Variants in SYK observed in about 807,000 individuals in gnomAD.
SYK encodes the protein tyrosine-protein kinase SYK.
In SYK, 16 loss-of-function variants were observed where a neutral mutation model predicts 77.8. The observed-to-expected ratio is 0.21, with a 90% CI of 0.14 to 0.31. The LOEUF (loss-of-function observed/expected upper bound fraction) is 0.31, where lower values mean the gene tolerates loss of function less well. SYK is among the 10% of genes least tolerant of loss of function. The probability of loss-of-function intolerance (pLI) is 1.00; values close to 1 mark genes in which losing one functional copy is unlikely to be tolerated. For synonymous variants in SYK, 312 were observed against 308.7 expected (o/e 1.01, Z -0.11); for missense variants, 529 against 814.4 (o/e 0.65, Z 4.26).
rs2118784856 is a variant in SYK, at chr9:90,862,290, C to A, written c.663C>A (p.Asp221Glu). The A allele has an allele frequency of 6.2e-7, 1 of 1,614,162 alleles. No individual in the cohort carries two copies. Among genetic ancestry groups the A allele is most frequent in the East Asian group, 2.2e-5 (1 of 44,886 alleles). Residue 221 changes from aspartate to glutamate, a missense_variant, in exon 4 of 14, where the codon GAC becomes GAA. This residue lies in a region of SYK where 321 missense variants were observed against 433.1 expected (regional missense o/e 0.74). Transcript: ENST00000375754. ...GKVLHYRIDK[D>E]KTGKLSIPEG... ...TGCTGCACTATCGCATCGACAAAGA[C>A]AAGACAGGGAAGCTCTCCATCCCCG...
intron 1 of SYK, among the ~76,000 whole-genome samples, chr9:90,825,621 A>G (rs1291758089): frequency 6.6e-6 from 1 of 152,228 alleles, no homozygotes; most frequent in Non-Finnish European, 1.5e-5. Flanking sequence ...GGACAGGGAC[A>G]TGTTTATCCT....
intron 11 of SYK, among the ~76,000 whole-genome samples, chr9:90,886,261 A>G (rs1828570988): frequency 6.6e-6 from 1 of 152,230 alleles, no homozygotes; most frequent in Non-Finnish European, 1.5e-5. Flanking sequence ...ACAATGAGAT[A>G]CCATCTTACC....
rs774431067 is a variant in SYK at position 90,887,785 on chromosome 9, G to A, written c.1618G>A (p.Ala540Thr). 3.1e-6 allele frequency: 5 copies of A among 1,612,934 alleles called. No homozygotes were observed. Among genetic ancestry groups the A allele is most frequent in the Non-Finnish European group, 4.2e-6 (5 of 1,179,554 alleles). ...THGKWPVKWY[A>T]PECINYYKFS... is the part of the protein sequence containing the mutation. ...TGGAAAGTGGCCTGTCAAGTGGTAC[G>A]CTCCGGAATGCATCAACTACTACAA... The change falls in exon 12 of 14, where the codon GCT (alanine) becomes ACT (threonine). Residue 540 changes from alanine (A) to threonine (T), a missense_variant. Ala to Thr is a moderately conservative substitution (Grantham distance 58, BLOSUM62 0). This residue lies in a region of SYK where 208 missense variants were observed against 381.3 expected (regional missense o/e 0.55). Coordinates refer to ENST00000375754, the MANE Select transcript of SYK (RefSeq NM_003177.7).
chr9:90,847,383 GTCT>G (rs1431056350), intron 3 of SYK, among the ~76,000 whole-genome samples: 1 of 152,226 alleles, frequency 6.6e-6, no homozygotes, highest in African/African-American at 2.4e-5. Flanking sequence ...CTCCTTAGTT[GTCT>G]TCTTCTCCTG....
chr9:90,862,893 T>G (rs1827334737), intron 4 of SYK, among the ~76,000 whole-genome samples: 1 of 152,050 alleles, frequency 6.6e-6, no homozygotes, highest in Admixed American at 6.5e-5. Context: ...GCCCTCCTCA[T>G]TGTAAATCGA....
At chr9:90,818,881 G>T (rs1431682340) in intron 1 of SYK, among the ~76,000 whole-genome samples, 1 of 152,208 alleles carries the variant, frequency 6.6e-6, no homozygotes, top group Non-Finnish European at 1.5e-5. Context: ...AATTATGCTG[G>T]CTCAGCTGTG....
chr9:90,863,043 C>T (rs1184680640), intron 4 of SYK, among the ~76,000 whole-genome samples: 2 of 152,182 alleles, frequency 1.3e-5, no homozygotes, highest in Admixed American at 1.3e-4. Context: ...AAACAACTCC[C>T]AATTTGGAAG....
intron 1 of SYK, among the ~76,000 whole-genome samples, chr9:90,804,342 T>C (rs903889121): frequency 2.0e-5 from 3 of 152,212 alleles, no homozygotes; most frequent in Non-Finnish European, 4.4e-5. Context: ...AGAAGTTACT[T>C]ACAGGAGGGG....
intron 1 of SYK, among the ~76,000 whole-genome samples, chr9:90,819,116 T>A (rs1825411759): frequency 6.6e-6 from 1 of 152,208 alleles, no homozygotes; most frequent in African/African-American, 2.4e-5. Flanking sequence ...ATTTTTACAG[T>A]AATTTGTACT....
intron 3 of SYK, among the ~76,000 whole-genome samples, chr9:90,853,946 T>C (rs1826918339): frequency 6.6e-6 from 1 of 151,746 alleles, no homozygotes; most frequent in African/African-American, 2.4e-5. Context: ...GTAGCATGGG[T>C]ATGGTGGCCA....
intron 13 of SYK, among the ~76,000 whole-genome samples, chr9:90,894,209 C>A (rs1038338833): frequency 1.3e-5 from 2 of 152,180 alleles, no homozygotes; most frequent in Admixed American, 1.3e-4. Flanking sequence ...TTCTCTTTGA[C>A]TGTAGAAGTT....
chr9:90,810,169 G>C (rs369851497), intron 1 of SYK, among the ~76,000 whole-genome samples: 1 of 152,288 alleles, frequency 6.6e-6, no homozygotes, highest in East Asian at 1.9e-4. Flanking sequence ...TGAACGGCTT[G>C]AACAGCCCAA....
At chr9:90,891,142 C>CTTTTTT (rs750370621) in intron 13 of SYK, among the ~76,000 whole-genome samples, 3 of 119,102 alleles carry the variant, frequency 2.5e-5, no homozygotes, top group African/African-American at 3.2e-5. Flanking sequence ...ATGTTGCCTG[C>CTTTTTT]TTTTTTTTTT....
chr9:90,839,158 C>G (rs566409927), intron 1 of SYK, among the ~76,000 whole-genome samples: 22 of 152,158 alleles, frequency 1.4e-4, no homozygotes, highest in Non-Finnish European at 2.4e-4. Flanking sequence ...GACAAGGCCC[C>G]GGGTGGGTGC....
chr9:90,817,868 TGTGTGTGTGTGTGTGAGA>T (rs1277494697), intron 1 of SYK, among the ~76,000 whole-genome samples: 4,734 of 42,136 alleles, frequency 0.11, 206 homozygotes, highest in African/African-American at 0.23. Flanking sequence ...TGTGTGTGTG[TGTGTGTGTGTGTGTGAGA>T]GAGAGAGAGA....
intron 1 of SYK, among the ~76,000 whole-genome samples, chr9:90,836,697 T>C (rs1826099139): frequency 6.6e-6 from 1 of 152,224 alleles, no homozygotes; most frequent in South Asian, 2.1e-4. Flanking sequence ...TCTCTTGCAG[T>C]TCTCAAGTAT....
chr9:90,865,942 A>T (rs1827472161), intron 6 of SYK, among the ~76,000 whole-genome samples: 1 of 110,834 alleles, frequency 9.0e-6, no homozygotes, highest in South Asian at 3.2e-4. Context: ...TCTGTTGCCC[A>T]GGCTGGAGTG....
intron 4 of SYK, 94 bp downstream of exon 4, chr9:90,862,438 ACC>A: frequency 7.0e-7 from 1 of 1,422,402 alleles, no homozygotes; most frequent in Non-Finnish European, 9.4e-7. Context: ...GAACTGGACC[ACC>A]CACTGCCCAC....
At chr9:90,844,466 C>T in intron 2 of SYK, 151 bp downstream of exon 2, 1 of 890,972 alleles carries the variant, frequency 1.1e-6, no homozygotes, top group African/African-American at 1.7e-5. Flanking sequence ...CAAAAAATGC[C>T]TCTCTCTGAT....
Sources: allele counts gnomAD v4.1 joint callset (sites outside exome capture counted in the v4.1 genomes callset), GRCh38; gene constraint gnomAD v4.1.1; regional missense constraint gnomAD v4.1.1; transcripts MANE v1.5; gene names NCBI Gene and HGNC (gene_info 2026-07-23, HGNC 2026-07-21).